The following SCAPER variants were observed in gnomAD, a reference collection of about 807,000 sequenced individuals.
The protein encoded by SCAPER is S phase cyclin A-associated protein in the endoplasmic reticulum.
SCAPER carries 98 observed loss-of-function variants against 182.2 expected under a neutral mutation model. The observed-to-expected ratio is 0.54, with a 90% CI of 0.46 to 0.64. The LOEUF is 0.64. SCAPER is among the 30% of genes least tolerant of loss of function. The pLI is 0.00. For synonymous variants in SCAPER, 605 were observed against 564.6 expected (o/e 1.07, Z -1.01); for missense variants, 1,432 against 1,690.0 (o/e 0.85, Z 2.68).
chr15:76,576,274 G>T (rs905726420), intron 22 of SCAPER, among the ~76,000 whole-genome samples: 9 of 152,142 alleles, frequency 5.9e-5, no homozygotes, highest in Admixed American at 5.9e-4. Flanking sequence ...TGAGGTGCGA[G>T]GACTGCTTAA....
At chr15:76,759,924 CTT>C (rs960013306) in intron 14 of SCAPER, among the ~76,000 whole-genome samples, 10 of 152,114 alleles carry the variant, frequency 6.6e-5, no homozygotes, top group African/African-American at 2.4e-4. Flanking sequence ...TAGTTTTCCC[CTT>C]TCTTGTGTTT....
At chr15:76,604,070 T>C (rs2050142628) in intron 22 of SCAPER, among the ~76,000 whole-genome samples, 1 of 120,414 alleles carries the variant, frequency 8.3e-6, no homozygotes, top group African/African-American at 2.5e-5. Context: ...TGCCATTGCT[T>C]TTGGTGTTTT....
intron 2 of SCAPER, among the ~76,000 whole-genome samples, chr15:76,873,012 G>T (rs1303285089): frequency 6.7e-6 from 1 of 149,286 alleles, no homozygotes; most frequent in African/African-American, 2.5e-5. Flanking sequence ...CACTCTGGGA[G>T]ACTAAGGTGG....
Position 76,728,687 on chromosome 15 carries a change from C to T in SCAPER, c.2073G>A (p.Leu691=), listed in dbSNP as rs369097698. 6 of 1,613,336 alleles carry T rather than the reference C, an allele frequency of 3.7e-6. No individual in the cohort carries two copies. The highest frequency in any genetic ancestry group is 1.7e-5 in the Admixed American group (1 of 59,878). The change falls in exon 17 of 32, where the codon TTG becomes TTA. Residue 691 remains leucine (L), a synonymous_variant. Transcript: ENST00000563290. ...CTTCTTGTTCTTTCCTCTTCATTAA[C>T]AATTCTTCTACACGGGCCTGCCGCT... ...EAERQARVEE[L]LMKRKEQEAR...
At chr15:76,382,886 T>C (rs1182353628) in intron 27 of SCAPER, among the ~76,000 whole-genome samples, 4 of 152,192 alleles carry the variant, frequency 2.6e-5, no homozygotes, top group African/African-American at 9.7e-5. Context: ...CTCAGGTATC[T>C]TATTGCTCTT....
intron 23 of SCAPER, among the ~76,000 whole-genome samples, chr15:76,543,983 C>T (rs1435330997): frequency 3.9e-5 from 6 of 152,122 alleles, no homozygotes; most frequent in Admixed American, 3.3e-4. Context: ...ACACCTACAA[C>T]TCAAATTTTT....
intron 21 of SCAPER, among the ~76,000 whole-genome samples, chr15:76,650,760 C>A (rs2054966833): frequency 6.6e-6 from 1 of 152,024 alleles, no homozygotes; most frequent in Admixed American, 6.5e-5. Flanking sequence ...CCAAGGCAGA[C>A]CAGTTGCTGA....
At chr15:76,585,930 T>G (rs1172967560) in intron 22 of SCAPER, among the ~76,000 whole-genome samples, 1 of 152,214 alleles carries the variant, frequency 6.6e-6, no homozygotes, top group Non-Finnish European at 1.5e-5. Flanking sequence ...AAGTTTTATT[T>G]GGATTCCTTC....
chr15:76,721,063 A>G (rs1232370059), intron 17 of SCAPER, among the ~76,000 whole-genome samples: 4 of 152,236 alleles, frequency 2.6e-5, no homozygotes, highest in Middle Eastern at 6.8e-3. Context: ...TTTTAGGTCT[A>G]ACCTTTAAGT....
At chr15:76,541,016 G>A (rs955820611) in intron 23 of SCAPER, among the ~76,000 whole-genome samples, 3 of 151,954 alleles carry the variant, frequency 2.0e-5, no homozygotes, top group Admixed American at 1.3e-4. Flanking sequence ...AGCTACTCAG[G>A]AGGCTGAGGC....
intron 25 of SCAPER, among the ~76,000 whole-genome samples, chr15:76,468,360 G>A (rs1489570149): frequency 2.6e-5 from 4 of 152,128 alleles, no homozygotes; most frequent in Non-Finnish European, 5.9e-5. Flanking sequence ...AATGTCCCAG[G>A]ATCCCAGTTC....
intron 21 of SCAPER, among the ~76,000 whole-genome samples, chr15:76,646,214 C>T (rs770730528): frequency 3.9e-4 from 59 of 152,226 alleles, no homozygotes; most frequent in Non-Finnish European, 5.9e-4. Context: ...AGGCTCCGCA[C>T]GTGGAACCCA....
At chr15:76,417,696 T>A (rs375354155) in intron 26 of SCAPER, among the ~76,000 whole-genome samples, 1 of 152,166 alleles carries the variant, frequency 6.6e-6, no homozygotes, top group East Asian at 1.9e-4. Flanking sequence ...TCTCCTTGAA[T>A]ACATGTCTTA....
At chr15:76,692,834 AAAAT>A (rs1174431079) in intron 20 of SCAPER, among the ~76,000 whole-genome samples, 1 of 152,072 alleles carries the variant, frequency 6.6e-6, no homozygotes, top group Non-Finnish European at 1.5e-5. Context: ...AACAAAATAA[AAAAT>A]AAAGCGACAA....
intron 22 of SCAPER, among the ~76,000 whole-genome samples, chr15:76,577,551 C>G (rs2047935072): frequency 6.6e-6 from 1 of 152,202 alleles, no homozygotes; most frequent in Non-Finnish European, 1.5e-5. Flanking sequence ...CTGAGGCTCC[C>G]ATTCCAGGCC....
chr15:76,653,172 C>T (rs967868378), intron 21 of SCAPER, among the ~76,000 whole-genome samples: 3 of 151,996 alleles, frequency 2.0e-5, no homozygotes, highest in African/African-American at 7.3e-5. Flanking sequence ...AGGAGAAAGA[C>T]TTCTAAAAGA....
chr15:76,355,508 A>C (rs1177721081), intron 29 of SCAPER, among the ~76,000 whole-genome samples: 1 of 152,106 alleles, frequency 6.6e-6, no homozygotes, highest in Non-Finnish European at 1.5e-5. Flanking sequence ...AATGTTCCCC[A>C]CATTAGAATT....
chr15:76,620,426 T>C (rs2051923086), intron 22 of SCAPER, among the ~76,000 whole-genome samples: 1 of 152,362 alleles, frequency 6.6e-6, no homozygotes, highest in East Asian at 1.9e-4. Flanking sequence ...ATTCTCCTGA[T>C]ATACAGTATT....
chr15:76,758,648 T>C (rs946122711), intron 14 of SCAPER, among the ~76,000 whole-genome samples: 1 of 152,152 alleles, frequency 6.6e-6, no homozygotes, highest in East Asian at 1.9e-4. Flanking sequence ...TTGACAGAGA[T>C]TGCACTGAAA....
Sources: gnomAD v4.1 joint callset for allele counts (sites outside exome capture counted in the v4.1 genomes callset) on GRCh38, gnomAD v4.1.1 for gene constraint, MANE v1.5 for transcripts, NCBI Gene and HGNC (gene_info 2026-07-23, HGNC 2026-07-21) for gene names.